SNAP47: variants seen among roughly 807,000 people sequenced by gnomAD.
SNAP47 encodes the protein synaptosomal-associated protein 47.
A neutral mutation model predicts 31.4 loss-of-function variants in SNAP47; 20 were observed. The ratio of observed to expected loss-of-function variants is 0.64; its 90% confidence interval spans 0.45 to 0.93. SNAP47 has a LOEUF of 0.93. Among genes scored for constraint, SNAP47 ranks in the 40% least tolerant of loss-of-function variants. The pLI is 0.00. For missense variants in SNAP47, 492 were observed against 528.5 expected (o/e 0.93, Z 0.68); for synonymous variants, 194 against 213.4 (o/e 0.91, Z 0.79).
intron 1 of SNAP47, among the ~76,000 whole-genome samples, chr1:227,737,729 A>G (rs1661317247): frequency 6.6e-6 from 1 of 152,044 alleles, no homozygotes; most frequent in Non-Finnish European, 1.5e-5. Flanking sequence ...TGGAGGGAGG[A>G]CTAGGAGGAA....
chr1:227,732,699 T>C (rs1571960910), upstream of SNAP47: 3 of 1,610,038 alleles, frequency 1.9e-6, no homozygotes, highest in Admixed American at 3.3e-5. Flanking sequence ...AAGAGGCCAG[T>C]GAGCTAACAC....
At chr1:227,779,401 G>A (rs772638787) in intron 4 of SNAP47, among the ~76,000 whole-genome samples, 5 of 152,160 alleles carry the variant, frequency 3.3e-5, no homozygotes, top group Non-Finnish European at 7.4e-5. Context: ...GGCGGAGCGT[G>A]GGGAGGCTGC....
chr1:227,732,207 G>C, upstream of SNAP47: 1 of 655,838 alleles, frequency 1.5e-6, no homozygotes, highest in Non-Finnish European at 2.6e-6. Context: ...ATCCCATCTT[G>C]GGTCCCTGAC....
intron 2 of SNAP47, among the ~76,000 whole-genome samples, chr1:227,752,201 C>T (rs1035659553): frequency 6.6e-6 from 1 of 152,226 alleles, no homozygotes; most frequent in Non-Finnish European, 1.5e-5. Flanking sequence ...CAGTCATACG[C>T]ACGAACACAT....
Position 227,748,217 on chromosome 1 carries a change from C to CTGG in SNAP47, c.482_484dup (p.Leu161_Glu162insVal). ...AGGCCTGGACAAGATGGAGTCAGAC[C>CTGG]TGGAGGTGGCGGACAGGTGGGCTTG... On this transcript the variant is annotated inframe_insertion, in exon 2 of 5. Transcript: ENST00000617596. 1 of 1,586,836 alleles carries CTGG rather than the reference C, an allele frequency of 6.3e-7. No homozygotes were observed. Among genetic ancestry groups the CTGG allele is most frequent in the Non-Finnish European group, 8.6e-7 (1 of 1,166,250 alleles).
chr1:227,767,556 T>TTA (rs1663505071), intron 4 of SNAP47, among the ~76,000 whole-genome samples: 1 of 151,482 alleles, frequency 6.6e-6, no homozygotes, highest in Non-Finnish European at 1.5e-5. Flanking sequence ...CATGTGTGTG[T>TTA]TGTGTGTGTT....
chr1:227,759,672 C>A lies in SNAP47; in HGVS notation c.988+187C>A. 2.9e-6 allele frequency: 2 copies of A among 694,894 alleles called. No individual in the cohort carries two copies. Among genetic ancestry groups the A allele is most frequent in the Non-Finnish European group, 4.7e-6 (2 of 421,472 alleles). 43.0% of individuals were successfully genotyped at this position (694,894 alleles called of 1,614,324 possible). On this transcript the variant is annotated intron_variant, in intron 3 of 4. Transcript: ENST00000617596. ...AGACCATTTTCCTTGTACTTGACAT[C>A]TGTGAATCTGAAATCACTGAGAGTT...
intron 2 of SNAP47, among the ~76,000 whole-genome samples, chr1:227,754,115 G>C (rs1317708879): frequency 1.3e-5 from 2 of 152,230 alleles, no homozygotes; most frequent in African/African-American, 4.8e-5. Flanking sequence ...CTCAGCAGAT[G>C]GGGAAGCCCG....
At chr1:227,732,749 C>G, upstream of SNAP47, 3 of 1,593,200 alleles carry the variant, frequency 1.9e-6, no homozygotes, top group Non-Finnish European at 2.6e-6. Context: ...CGACATGCGC[C>G]CAGTCCCCAA....
chr1:227,778,235 T>G (rs1664271194), intron 4 of SNAP47, among the ~76,000 whole-genome samples: 1 of 152,226 alleles, frequency 6.6e-6, no homozygotes, highest in African/African-American at 2.4e-5. Flanking sequence ...GTTTTCTACA[T>G]GCAGTTATTA....
chr1:227,778,704 A>G (rs1664294665), intron 4 of SNAP47, among the ~76,000 whole-genome samples: 1 of 152,294 alleles, frequency 6.6e-6, no homozygotes, highest in African/African-American at 2.4e-5. Flanking sequence ...CTGTCACAGC[A>G]CAATTTGGGT....
chr1:227,732,248 C>T, upstream of SNAP47: 1 of 942,146 alleles, frequency 1.1e-6, no homozygotes, highest in Non-Finnish European at 1.6e-6. Flanking sequence ...AACAGGCACC[C>T]AGGCAGTGGC....
chr1:227,766,782 C>T (rs1363150234), intron 3 of SNAP47, among the ~76,000 whole-genome samples, 177 bp from the exon 4 acceptor site: 1 of 152,192 alleles, frequency 6.6e-6, no homozygotes, highest in Non-Finnish European at 1.5e-5. Context: ...TGTTGCAGAC[C>T]CTAATCCTTC....
At chr1:227,770,281 G>A (rs1663712171) in intron 4 of SNAP47, among the ~76,000 whole-genome samples, 1 of 152,250 alleles carries the variant, frequency 6.6e-6, no homozygotes, top group Non-Finnish European at 1.5e-5. Context: ...CGAGCCTGGT[G>A]CTGGGACGGG....
chr1:227,757,911 C>G (rs1299626428), intron 2 of SNAP47, among the ~76,000 whole-genome samples: 1 of 152,134 alleles, frequency 6.6e-6, no homozygotes, highest in East Asian at 1.9e-4. Context: ...TTCAAATAAG[C>G]CCCTCCTTCT....
At chr1:227,738,440 T>C (rs971951193) in intron 1 of SNAP47, among the ~76,000 whole-genome samples, 1 of 151,948 alleles carries the variant, frequency 6.6e-6, no homozygotes, top group Non-Finnish European at 1.5e-5. Flanking sequence ...CACTCTTCTC[T>C]CCCCCCAGTC....
In SNAP47 at chr1:227,780,385, C is replaced by T. The variant is rs1219479346; in HGVS notation, c.1114-142C>T. ...ATGACCTGACCCTGGTGCTGGGCTGCCGGCTCCCTCCTGCTGGCTCGCAGA... is the reference window on the plus strand; with the variant it reads ...ATGACCTGACCCTGGTGCTGGGCTGTCGGCTCCCTCCTGCTGGCTCGCAGA... On this transcript the variant is annotated intron_variant, in intron 4 of 4. Transcript: ENST00000617596. 13 of 1,218,706 alleles carry T rather than the reference C, an allele frequency of 1.1e-5. No individual in the cohort carries two copies. In the African/African-American group the frequency reaches 1.5e-4, roughly 14 times the overall value. 75.5% of individuals were successfully genotyped at this position (1,218,706 alleles called of 1,614,324 possible). A position where few individuals can be genotyped will look rare whatever the true frequency, so the allele number is the denominator to read the frequency against.
At chr1:227,774,655 C>T (rs925445260) in intron 4 of SNAP47, among the ~76,000 whole-genome samples, 4 of 148,794 alleles carry the variant, frequency 2.7e-5, no homozygotes, top group Non-Finnish European at 4.5e-5. Context: ...CAGCTCTGGC[C>T]GTGTTGGTTC....
At chr1:227,729,361 A>G (rs879538157) in intron 1 of SNAP47, among the ~76,000 whole-genome samples, 1 of 152,140 alleles carries the variant, frequency 6.6e-6, no homozygotes. Context: ...GGAACAAGTC[A>G]CTGACTTGGA....
Sources: gnomAD v4.1 joint callset for allele counts (sites outside exome capture counted in the v4.1 genomes callset) on GRCh38, gnomAD v4.1.1 for gene constraint, MANE v1.5 for transcripts, NCBI Gene and HGNC (gene_info 2026-07-23, HGNC 2026-07-21) for gene names.